Variants in ATP8A2 observed in about 807,000 individuals in gnomAD.
ATP8A2 encodes the protein ATPase phospholipid transporting 8A2.
ATP8A2 carries 100 observed loss-of-function variants against 165.6 expected under a neutral mutation model. The ratio of observed to expected loss-of-function variants is 0.60; its 90% CI spans 0.51 to 0.71. ATP8A2 has a LOEUF of 0.71. Ranked by LOEUF, ATP8A2 falls within the 30% of genes least tolerant of loss-of-function variation. The probability of loss-of-function intolerance (pLI) is 0.00; values close to 1 mark genes in which losing one functional copy is unlikely to be tolerated. For missense variants in ATP8A2, 1,227 were observed against 1,479.5 expected (o/e 0.83, Z 2.80); for synonymous variants, 543 against 548.8 (o/e 0.99, Z 0.15).
chr13:25,935,669 G>T (rs574354128), intron 33 of ATP8A2, among the ~76,000 whole-genome samples: 2 of 152,030 alleles, frequency 1.3e-5, no homozygotes, highest in African/African-American at 4.8e-5. Flanking sequence ...ACTCCTTTAA[G>T]CAACGAGATC....
chr13:25,698,245 A>T (rs1365828203), intron 24 of ATP8A2, among the ~76,000 whole-genome samples: 1 of 150,664 alleles, frequency 6.6e-6, no homozygotes, highest in African/African-American at 2.4e-5. Flanking sequence ...TTTTTTAAAG[A>T]AACAGGGTCT....
intron 1 of ATP8A2, among the ~76,000 whole-genome samples, chr13:25,443,490 G>A (rs1056195407): frequency 3.3e-5 from 5 of 152,192 alleles, no homozygotes; most frequent in African/African-American, 4.8e-5. Flanking sequence ...GACAACTGCT[G>A]TTCTAAGTAT....
At chr13:25,681,389 T>G (rs1365532810) in intron 24 of ATP8A2, among the ~76,000 whole-genome samples, 1 of 152,212 alleles carries the variant, frequency 6.6e-6, no homozygotes, top group East Asian at 1.9e-4. Context: ...ATTAAATGTT[T>G]GCGTACCCCA....
At chr13:25,375,830 C>T in intron 1 of ATP8A2, among the ~76,000 whole-genome samples, 1 of 152,144 alleles carries the variant, frequency 6.6e-6, no homozygotes, top group East Asian at 1.9e-4. Context: ...CTCGACCTCC[C>T]TAAGTGCTGG....
At chr13:25,852,776 C>T (rs1432788568) in intron 30 of ATP8A2, among the ~76,000 whole-genome samples, 3 of 151,222 alleles carry the variant, frequency 2.0e-5, no homozygotes, top group African/African-American at 4.9e-5. Context: ...CAGGAGTTCG[C>T]GGCCAGCCTG....
At chr13:26,015,982 C>G (rs746028150) in intron 36 of ATP8A2, among the ~76,000 whole-genome samples, 1 of 152,174 alleles carries the variant, frequency 6.6e-6, no homozygotes, top group Non-Finnish European at 1.5e-5. Context: ...GCTGGGCAGG[C>G]AGGACTGGTT....
intron 24 of ATP8A2, among the ~76,000 whole-genome samples, chr13:25,606,121 C>T (rs937299816): frequency 4.6e-5 from 7 of 152,090 alleles, no homozygotes; most frequent in Non-Finnish European, 1.0e-4. Flanking sequence ...AATTAAAATC[C>T]TCTGAAATGA....
At chr13:25,737,783 T>C (rs758199386) in intron 25 of ATP8A2, among the ~76,000 whole-genome samples, 4 of 152,170 alleles carry the variant, frequency 2.6e-5, no homozygotes, top group East Asian at 1.9e-4. Context: ...CCCAGGTTCA[T>C]GCCATTCTTC....
At chr13:25,551,181 A>G (rs2038810137) in intron 10 of ATP8A2, among the ~76,000 whole-genome samples, 157 bp from the exon 11 acceptor site, 1 of 152,226 alleles carries the variant, frequency 6.6e-6, no homozygotes, top group African/African-American at 2.4e-5. Context: ...CTATTGATTC[A>G]GGAGCATGGT....
intron 4 of ATP8A2, among the ~76,000 whole-genome samples, chr13:25,531,398 T>TTATATATATGATATATATATGA (rs2038093366): frequency 1.1e-5 from 1 of 87,296 alleles, no homozygotes; most frequent in Admixed American, 1.1e-4. Flanking sequence ...ATATATATGA[T>TTATATATATGATATATATATGA]TATATATATG....
intron 24 of ATP8A2, among the ~76,000 whole-genome samples, chr13:25,664,191 A>T (rs2042105434): frequency 6.6e-6 from 1 of 152,170 alleles, no homozygotes; most frequent in South Asian, 2.1e-4. Flanking sequence ...AAACTGAAGA[A>T]ATTAGAAGAT....
At chr13:25,457,827 A>G (rs1334197003) in intron 1 of ATP8A2, among the ~76,000 whole-genome samples, 1 of 152,218 alleles carries the variant, frequency 6.6e-6, no homozygotes, top group Admixed American at 6.5e-5. Context: ...CAAAATGTCA[A>G]CTCAACAAGA....
intron 10 of ATP8A2, among the ~76,000 whole-genome samples, chr13:25,544,907 TGA>T (rs1052503766): frequency 6.6e-5 from 8 of 120,792 alleles, no homozygotes; most frequent in Admixed American, 1.7e-4. Flanking sequence ...ATTTTATGAG[TGA>T]GTTTTTTTTT....
chr13:25,874,521 T>C lies in ATP8A2; in HGVS notation c.3183+12113T>C, dbSNP rs561270786. Among the ~76,000 whole-genome samples the C allele has an allele frequency of 4.4e-4, 67 of 152,314 alleles. 1 individual carries two copies. The highest frequency in any genetic ancestry group is 1.5e-3 in the African/African-American group (63 of 41,564). ...TGTATGAGGTGTCATCTCACACCCA[T>C]TGGGATGGCCACTCTTAGAAACACA... On this transcript the variant is annotated intron_variant, in intron 33 of 36. Transcript: ENST00000381655.
At position 25,433,418 on chromosome 13, in the gene ATP8A2, G is replaced by A. The variant is rs114845254; in HGVS notation, c.77-35559G>A. ...TTCCCAAGTAGCTGGGACTACAGGC[G>A]TGTGCCACCATTCATGGCTAATTTT... On this transcript the variant is annotated intron_variant, in intron 1 of 36. Coordinates refer to ENST00000381655, the MANE Select transcript of ATP8A2 (RefSeq NM_016529.6). Among the ~76,000 whole-genome samples, 1,509 of 152,192 alleles carry A rather than the reference G, an allele frequency of 9.9e-3. 32 individuals are homozygous for A. Among genetic ancestry groups the A allele is most frequent in the African/African-American group, 0.034 (1,400 of 41,538 alleles).
chr13:25,401,611 G>A (rs575342446), intron 1 of ATP8A2, among the ~76,000 whole-genome samples: 1 of 152,170 alleles, frequency 6.6e-6, no homozygotes, highest in African/African-American at 2.4e-5. Flanking sequence ...AGAAATAAGT[G>A]CTTGTTGGTT....
At chr13:25,394,989 A>G (rs1047327799) in intron 1 of ATP8A2, among the ~76,000 whole-genome samples, 14 of 152,158 alleles carry the variant, frequency 9.2e-5, no homozygotes, top group African/African-American at 3.4e-4. Flanking sequence ...CAGCTTCACA[A>G]TTTATCATTC....
intron 27 of ATP8A2, among the ~76,000 whole-genome samples, chr13:25,794,859 A>C (rs948933382): frequency 4.2e-5 from 6 of 143,702 alleles, no homozygotes; most frequent in Non-Finnish European, 7.7e-5. Flanking sequence ...ACACACACAC[A>C]CCTTCTCTCT....
intron 2 of ATP8A2, among the ~76,000 whole-genome samples, chr13:25,498,795 T>C (rs1344426348): frequency 6.6e-6 from 1 of 152,180 alleles, no homozygotes; most frequent in African/African-American, 2.4e-5. Context: ...TTGACTTCCA[T>C]TTTGCAGATG....
Sources: gnomAD v4.1 joint callset for allele counts (sites outside exome capture counted in the v4.1 genomes callset) on GRCh38, gnomAD v4.1.1 for gene constraint, MANE v1.5 for transcripts, NCBI Gene and HGNC (gene_info 2026-07-23, HGNC 2026-07-21) for gene names.